The following TNFSF4 variants were observed in gnomAD, a reference collection of about 807,000 sequenced individuals.
TNFSF4 encodes tumor necrosis factor ligand superfamily member 4.
Under a neutral mutation model 7.3 loss-of-function variants are expected in TNFSF4, and 4 were observed. The observed-to-expected ratio is 0.55, with a 90% confidence interval of 0.27 to 1.25. The LOEUF (loss-of-function observed/expected upper bound fraction) is 1.25. Ranked by LOEUF, TNFSF4 falls within the 50% of genes most tolerant of loss-of-function variation. The pLI, the probability that TNFSF4 is intolerant of heterozygous loss-of-function variation, is 0.12. For missense variants in TNFSF4, 181 were observed against 208.8 expected, an observed-to-expected ratio of 0.87 and a Z score of 0.82; for synonymous variants, 76 against 83.7, an observed-to-expected ratio of 0.91 and a Z score of 0.50.
chr1:173,333,900 A>T, the TNFSF4 span, among the ~76,000 whole-genome samples: 4 of 151,746 alleles, frequency 2.6e-5, no homozygotes, highest in Non-Finnish European at 5.9e-5. Context: ...TGACCTTCAG[A>T]CTCATATTGG....
chr1:173,202,981 T>A (rs1478739584), intron 1 of TNFSF4, among the ~76,000 whole-genome samples: 1 of 152,078 alleles, frequency 6.6e-6, no homozygotes, highest in Non-Finnish European at 1.5e-5. Flanking sequence ...CCTCTCATCT[T>A]CCCATTGTCC....
chr1:173,180,700 A>T (rs1649040664), downstream of TNFSF4, among the ~76,000 whole-genome samples: 1 of 152,232 alleles, frequency 6.6e-6, no homozygotes, highest in Admixed American at 6.5e-5. Context: ...AATAGTATGA[A>T]CATGATTAAA....
the TNFSF4 span, among the ~76,000 whole-genome samples, chr1:173,222,762 A>G: frequency 6.6e-6 from 1 of 152,210 alleles, no homozygotes; most frequent in Non-Finnish European, 1.5e-5. Context: ...TGTCTTTTTA[A>G]TAGCTATTAA....
chr1:173,378,288 G>A, the TNFSF4 span, among the ~76,000 whole-genome samples: 1 of 151,014 alleles, frequency 6.6e-6, no homozygotes, highest in African/African-American at 2.4e-5. Flanking sequence ...AGGGTCCAGG[G>A]ACCATTGCAG....
the TNFSF4 span, among the ~76,000 whole-genome samples, chr1:173,401,061 T>C: frequency 1.1e-3 from 165 of 152,328 alleles, 2 homozygotes; most frequent in Admixed American, 1.8e-3. Flanking sequence ...CTTTCCTCTC[T>C]TACTCCCTTA....
At chr1:173,305,704 A>G in the TNFSF4 span, among the ~76,000 whole-genome samples, 2 of 151,672 alleles carry the variant, frequency 1.3e-5, no homozygotes, top group Admixed American at 6.6e-5. Context: ...AAAAAAAAAA[A>G]GGGAAGTTTA....
the TNFSF4 span, among the ~76,000 whole-genome samples, chr1:173,301,927 C>G: frequency 6.9e-6 from 1 of 145,866 alleles, no homozygotes; most frequent in African/African-American, 2.5e-5. Context: ...TAGCAAAATA[C>G]CATACAAAAA....
At chr1:173,267,886 G>C in the TNFSF4 span, among the ~76,000 whole-genome samples, 4 of 115,326 alleles carry the variant, frequency 3.5e-5, no homozygotes, top group Non-Finnish European at 5.7e-5. Flanking sequence ...GAGAGGAGAG[G>C]AGAGCAGAGG....
In TNFSF4 at chr1:173,207,199, A is replaced by T. The variant is rs1341913643; in HGVS notation, c.-23T>A. ...CATCTTCACAATCTGGGTAGAGGGA[A>T]GATGAAGATATGGAAAAGGGGAACG... On this transcript the variant is annotated 5_prime_UTR_variant, in exon 1 of 3. Transcript: ENST00000281834. 6.3e-7 allele frequency: 1 copy of T among 1,586,274 alleles called. No homozygotes were observed.
At position 173,186,535 on chromosome 1, in the gene TNFSF4, C is replaced by T; in HGVS notation, c.533G>A (p.Gly178Asp). The change falls in exon 3 of 3, where the codon GGT (glycine) becomes GAT (aspartate). Residue 178 changes from glycine (G) to aspartate (D), a missense_variant. Physicochemically the swap from Gly to Asp is moderately conservative, Grantham distance 94. Coordinates refer to ENST00000281834, the MANE Select transcript of TNFSF4 (RefSeq NM_003326.5). ...GELILIHQNP[G>D]EFCVL ...AGCCCCTCAAAGGACACAGAATTCA[C>T]CAGGATTTTGATGGATAAGAATCAG... 1 of 1,612,856 alleles carries T rather than the reference C, an allele frequency of 6.2e-7. No homozygotes were observed. Among genetic ancestry groups the T allele is most frequent in the Non-Finnish European group, 8.5e-7 (1 of 1,179,222 alleles).
At chr1:173,371,027 C>T in the TNFSF4 span, among the ~76,000 whole-genome samples, 1 of 152,184 alleles carries the variant, frequency 6.6e-6, no homozygotes, top group Non-Finnish European at 1.5e-5. Context: ...GGGCCAGAAG[C>T]CCCCAACCAG....
the TNFSF4 span, among the ~76,000 whole-genome samples, chr1:173,395,037 TGATA>T: frequency 0.047 from 4,445 of 93,814 alleles, 138 homozygotes; most frequent in Middle Eastern, 0.081. Flanking sequence ...GATAGATAGA[TGATA>T]GATAGATAGA....
chr1:173,192,553 T>G (rs1649531505), intron 1 of TNFSF4, among the ~76,000 whole-genome samples: 1 of 152,146 alleles, frequency 6.6e-6, no homozygotes, highest in Non-Finnish European at 1.5e-5. Context: ...TGCCAGGGGT[T>G]AGGAATGGGG....
At chr1:173,261,824 G>A in the TNFSF4 span, among the ~76,000 whole-genome samples, 1 of 151,472 alleles carries the variant, frequency 6.6e-6, no homozygotes, top group South Asian at 2.1e-4. Context: ...TTCTGAAAAT[G>A]AGGCAGTAAT....
At chr1:173,395,581 T>A in the TNFSF4 span, among the ~76,000 whole-genome samples, 92 of 151,598 alleles carry the variant, frequency 6.1e-4, no homozygotes, top group Middle Eastern at 3.4e-3. Flanking sequence ...CTTCTATGTG[T>A]GCCCTGAAGG....
At chr1:173,244,627 G>C in the TNFSF4 span, among the ~76,000 whole-genome samples, 15 of 138,088 alleles carry the variant, frequency 1.1e-4, no homozygotes, top group South Asian at 3.4e-3. Flanking sequence ...GGGCGACAGA[G>C]CGAGACTCTG....
At chr1:173,312,400 C>A in the TNFSF4 span, among the ~76,000 whole-genome samples, 3 of 151,926 alleles carry the variant, frequency 2.0e-5, no homozygotes, top group Non-Finnish European at 4.4e-5. Context: ...GAGTGAATTT[C>A]CTGTCCTCTC....
At chr1:173,354,573 G>A in the TNFSF4 span, among the ~76,000 whole-genome samples, 1 of 152,166 alleles carries the variant, frequency 6.6e-6, no homozygotes, top group Middle Eastern at 3.4e-3. Flanking sequence ...TGTTTTATGG[G>A]TATCTTTTTA....
chr1:173,279,966 G>A, the TNFSF4 span, among the ~76,000 whole-genome samples: 12,954 of 152,042 alleles, frequency 0.085, 631 homozygotes, highest in Middle Eastern at 0.12. Context: ...TTTATAAACT[G>A]CCTTCTGCCA....
Sources: gnomAD v4.1 joint callset for allele counts (sites outside exome capture counted in the v4.1 genomes callset) on GRCh38, gnomAD v4.1.1 for gene constraint, MANE v1.5 for transcripts, NCBI Gene and HGNC (gene_info 2026-07-23, HGNC 2026-07-21) for gene names.